The following LARGE1 variants were observed in gnomAD, a reference collection of about 807,000 sequenced individuals.
The protein encoded by LARGE1 is xylosyl- and glucuronyltransferase LARGE1.
In LARGE1, 43 loss-of-function variants were observed where a neutral mutation model predicts 87.6. The observed-to-expected ratio is 0.49, with a 90% CI of 0.38 to 0.63. LARGE1 has a LOEUF of 0.63. Ranked by LOEUF, LARGE1 falls within the 30% of genes least tolerant of loss-of-function variation. The pLI is 0.00. For missense variants in LARGE1, 802 were observed against 1,000.2 expected, an observed-to-expected ratio of 0.80 and a Z score of 2.67; for synonymous variants, 434 against 394.6, an observed-to-expected ratio of 1.10 and a Z score of -1.18.
chr22:33,075,532 A>G, the LARGE1 span, among the ~76,000 whole-genome samples: 1 of 152,184 alleles, frequency 6.6e-6, no homozygotes, highest in Admixed American at 6.5e-5. Context: ...AACAGCCCTC[A>G]TTGTATAGAT....
At chr22:33,268,423 A>T (rs1928068276), downstream of LARGE1, among the ~76,000 whole-genome samples, 2 of 147,674 alleles carry the variant, frequency 1.4e-5, no homozygotes, top group Non-Finnish European at 2.9e-5. Context: ...AATAGCTGTT[A>T]AAAAACTTTT....
intron 11 of LARGE1, among the ~76,000 whole-genome samples, chr22:33,262,043 G>A (rs1033327604): frequency 5.3e-5 from 8 of 152,182 alleles, no homozygotes; most frequent in Admixed American, 5.2e-4. Context: ...GTATTGATGG[G>A]GTGTTTGGAG....
intron 6 of LARGE1, among the ~76,000 whole-genome samples, chr22:33,475,625 C>T (rs2069044261): frequency 6.6e-6 from 1 of 151,922 alleles, no homozygotes; most frequent in South Asian, 2.1e-4. Context: ...CGACACCTGG[C>T]TAATTTTTTG....
At chr22:33,876,566 T>C (rs938672124) in intron 1 of LARGE1, among the ~76,000 whole-genome samples, 4 of 152,136 alleles carry the variant, frequency 2.6e-5, no homozygotes, top group African/African-American at 2.4e-5. Context: ...AAACACTGCA[T>C]TGTTCTCACT....
chr22:33,501,130 G>A (rs149254690), intron 6 of LARGE1, among the ~76,000 whole-genome samples: 1 of 152,268 alleles, frequency 6.6e-6, no homozygotes, highest in Non-Finnish European at 1.5e-5. Context: ...ATTTGAGAGG[G>A]AAAGAATTGA....
In LARGE1 at chr22:33,333,613, A is replaced by T. The variant is rs182743479; in HGVS notation, c.1287+4033T>A. 5.3e-5 allele frequency among the ~76,000 whole-genome samples: 8 copies of T among 152,244 alleles called. No homozygotes were observed. The East Asian group carries it at 1.5e-3, about 29-fold the overall frequency. On this transcript the variant is annotated intron_variant, in intron 10 of 14. Transcript: ENST00000397394. ...CTTTACTTGGTGGTAATTCATTCTT[A>T]CTTCTTAAATTTACTTAGTACATTC...
At chr22:33,382,126 C>A in intron 8 of LARGE1, 82 bp from the exon 9 acceptor site, 1 of 1,575,748 alleles carries the variant, frequency 6.3e-7, no homozygotes, top group South Asian at 1.1e-5. Flanking sequence ...ACTGCATCCC[C>A]TGTGATAGGG....
At chr22:33,398,323 A>G (rs1309113241) in intron 7 of LARGE1, among the ~76,000 whole-genome samples, 1 of 152,180 alleles carries the variant, frequency 6.6e-6, no homozygotes, top group African/African-American at 2.4e-5. Context: ...GGTCAAAGCA[A>G]AACAACTAAT....
rs369451316 is a variant in LARGE1, at chr22:33,495,889, A to C, written c.788-63624T>G. Among the ~76,000 whole-genome samples, 12 of 152,246 alleles carry C rather than the reference A, an allele frequency of 7.9e-5. No individual in the cohort carries two copies. The East Asian group carries it at 1.7e-3, about 22-fold the overall frequency. On this transcript the variant is annotated intron_variant, in intron 6 of 14. Transcript: ENST00000397394. ...ACTCCTATGTTGAAATCTAGTCCTC[A>C]GTGTGGTGGTATTAGGAAGTGGTAC...
intron 11 of LARGE1, among the ~76,000 whole-genome samples, chr22:33,305,205 G>C (rs1253160577): frequency 1.3e-5 from 2 of 152,064 alleles, no homozygotes; most frequent in African/African-American, 2.4e-5. Flanking sequence ...AAAAATATGT[G>C]AATGTTGGAA....
Position 33,763,975 on chromosome 22 carries a change from G to A in LARGE1, c.-82-2417C>T, listed in dbSNP as rs527689934. Among the ~76,000 whole-genome samples the A allele has an allele frequency of 4.7e-5, 7 of 147,720 alleles. No individual in the cohort carries two copies. The East Asian group carries it at 6.4e-4, about 13-fold the overall frequency. On this transcript the variant is annotated intron_variant, in intron 1 of 14. Transcript: ENST00000397394. ...AGGGATTCTCCTGCCTCAGCCTCCC[G>A]AGTAGCTGGGATTACAGGCACACGC... is the stretch of plus-strand genomic sequence containing the variant.
chr22:33,159,642 C>CG (rs1245115021), downstream of LARGE1, among the ~76,000 whole-genome samples: 9 of 149,448 alleles, frequency 6.0e-5, no homozygotes, highest in African/African-American at 2.2e-4. Context: ...TGGAGCGCAG[C>CG]GGCACAATCT....
intron 7 of LARGE1, among the ~76,000 whole-genome samples, chr22:33,397,145 C>T (rs769675817): frequency 1.4e-4 from 22 of 151,870 alleles, no homozygotes; most frequent in Middle Eastern, 3.4e-3. Context: ...GATGGAGTTT[C>T]GCTCTTGTTG....
chr22:33,812,315 C>T (rs977995998), intron 1 of LARGE1, among the ~76,000 whole-genome samples: 6 of 152,172 alleles, frequency 3.9e-5, no homozygotes, highest in Non-Finnish European at 8.8e-5. Flanking sequence ...GGTTCTGACA[C>T]AGCATCTCAC....
chr22:33,479,152 C>T (rs957625461), intron 6 of LARGE1, among the ~76,000 whole-genome samples: 4 of 152,274 alleles, frequency 2.6e-5, no homozygotes. Context: ...AACTGGGGGG[C>T]GAGGTCTCCC....
chr22:33,370,694 T>G (rs112680911), intron 9 of LARGE1, among the ~76,000 whole-genome samples: 1,772 of 151,846 alleles, frequency 0.012, 22 homozygotes, highest in African/African-American at 0.035. Context: ...TGTTATATAA[T>G]ATGTTATGTT....
chr22:33,921,975 A>T (rs2065960127), upstream of LARGE1, among the ~76,000 whole-genome samples: 1 of 151,826 alleles, frequency 6.6e-6, no homozygotes, highest in African/African-American at 2.4e-5. The surrounding 1 kb of genome is among the most constrained non-coding windows in gnomAD (Gnocchi z 4.1). Context: ...CACAACTCGG[A>T]CTCGGAGACC....
intron 1 of LARGE1, among the ~76,000 whole-genome samples, chr22:33,846,562 TG>T (rs1437912630): frequency 6.6e-6 from 1 of 152,228 alleles, no homozygotes; most frequent in East Asian, 1.9e-4. Flanking sequence ...CCTTAAACTC[TG>T]ACCAACGGTG....
intron 3 of LARGE1, among the ~76,000 whole-genome samples, chr22:33,641,169 C>T (rs1245677184): frequency 6.6e-6 from 1 of 152,164 alleles, no homozygotes; most frequent in East Asian, 1.9e-4. Context: ...GGGCGGGTGC[C>T]CCTCTGGGAC....
Sources: allele counts gnomAD v4.1 joint callset (sites outside exome capture counted in the v4.1 genomes callset), GRCh38; gene constraint gnomAD v4.1.1; non-coding constraint Gnocchi (gnomAD v3.1); transcripts MANE v1.5; gene names NCBI Gene and HGNC (gene_info 2026-07-23, HGNC 2026-07-21).